Variants in CRIM1 observed in about 807,000 individuals in gnomAD.
CRIM1 encodes the protein cysteine-rich motor neuron 1 protein.
In CRIM1, 32 loss-of-function variants were observed where a neutral mutation model predicts 116.4. The observed-to-expected ratio is 0.27, with a 90% CI of 0.21 to 0.37. CRIM1 has a LOEUF of 0.37. Ranked by LOEUF, CRIM1 falls within the 10% of genes least tolerant of loss-of-function variation. CRIM1 has a pLI of 1.00. For missense variants in CRIM1, 1,331 were observed against 1,354.8 expected, an observed-to-expected ratio of 0.98 and a Z score of 0.28; for synonymous variants, 590 against 509.2, an observed-to-expected ratio of 1.16 and a Z score of -2.13.
At chr2:36,411,832 T>TTCCAGATACATTCCAGATACA (rs1673232930) in intron 2 of CRIM1, among the ~76,000 whole-genome samples, 2 of 152,186 alleles carry the variant, frequency 1.3e-5, no homozygotes, top group Non-Finnish European at 2.9e-5. Context: ...AGTGGTTCGT[T>TTCCAGATACATTCCAGATACA]TCTAAGAATC....
chr2:36,484,395 G>T (rs1263846931), intron 7 of CRIM1, among the ~76,000 whole-genome samples: 1 of 152,108 alleles, frequency 6.6e-6, no homozygotes, highest in Non-Finnish European at 1.5e-5. Flanking sequence ...ATGTCAGAGG[G>T]ATCCTGAGGA....
intron 7 of CRIM1, among the ~76,000 whole-genome samples, chr2:36,491,841 T>C (rs1199438672): frequency 2.0e-5 from 3 of 152,164 alleles, no homozygotes; most frequent in South Asian, 2.1e-4. Context: ...TAACACATTA[T>C]TTCCACTTAA....
intron 2 of CRIM1, among the ~76,000 whole-genome samples, chr2:36,405,809 T>G (rs1252438220): frequency 6.6e-6 from 1 of 152,238 alleles, no homozygotes; most frequent in Non-Finnish European, 1.5e-5. Flanking sequence ...GGTAATGATT[T>G]CATTATGCAA....
chr2:36,474,328 C>T (rs1387966310), intron 5 of CRIM1, among the ~76,000 whole-genome samples: 1 of 151,938 alleles, frequency 6.6e-6, no homozygotes, highest in South Asian at 2.1e-4. Context: ...TTGATGAAGT[C>T]CAGTTTATCT....
intron 4 of CRIM1, among the ~76,000 whole-genome samples, chr2:36,458,983 A>G (rs1036859267): frequency 1.3e-5 from 2 of 152,192 alleles, no homozygotes; most frequent in African/African-American, 4.8e-5. Flanking sequence ...ACTTTTAAGC[A>G]ATGGTATTCA....
chr2:36,479,722 C>G (rs1379848851), intron 7 of CRIM1, 28 bp downstream of exon 7: 1 of 1,598,148 alleles, frequency 6.3e-7, no homozygotes, highest in Non-Finnish European at 8.6e-7. Flanking sequence ...TAATGAGTCC[C>G]TGGTGAATGT....
At chr2:36,483,135 C>A (rs779994925) in intron 7 of CRIM1, among the ~76,000 whole-genome samples, 1 of 152,158 alleles carries the variant, frequency 6.6e-6, no homozygotes, top group Non-Finnish European at 1.5e-5. Flanking sequence ...TATATTCTCA[C>A]ATTTTGCTTT....
At chr2:36,452,591 A>G (rs921191233) in intron 4 of CRIM1, among the ~76,000 whole-genome samples, 10 of 152,302 alleles carry the variant, frequency 6.6e-5, no homozygotes, top group African/African-American at 2.4e-4. Context: ...GCCATTGCCC[A>G]TTGGAAATGA....
intron 1 of CRIM1, among the ~76,000 whole-genome samples, chr2:36,376,533 G>A (rs1372512756): frequency 2.6e-5 from 4 of 152,274 alleles, no homozygotes; most frequent in South Asian, 2.1e-4. Flanking sequence ...GTGGGGATAC[G>A]AGAATGTGGG....
chr2:36,475,587 T>C (rs1292982018), intron 5 of CRIM1, among the ~76,000 whole-genome samples: 1 of 152,218 alleles, frequency 6.6e-6, no homozygotes, highest in African/African-American at 2.4e-5. Flanking sequence ...TTTTTCCTAA[T>C]TGCTCTGGCT....
intron 9 of CRIM1, among the ~76,000 whole-genome samples, chr2:36,510,753 C>T (rs972170166): frequency 6.6e-6 from 1 of 151,986 alleles, no homozygotes; most frequent in African/African-American, 2.4e-5. Flanking sequence ...GGGAAATAGA[C>T]ACTTCATATT....
intron 16 of CRIM1, among the ~76,000 whole-genome samples, chr2:36,548,212 A>C (rs1005794171): frequency 3.3e-5 from 5 of 151,168 alleles, no homozygotes; most frequent in African/African-American, 1.2e-4. Context: ...CTCATTCTTC[A>C]GCCCCCTTGA....
At chr2:36,483,971 A>C (rs1679620890) in intron 7 of CRIM1, among the ~76,000 whole-genome samples, 2 of 152,326 alleles carry the variant, frequency 1.3e-5, no homozygotes, top group Admixed American at 1.3e-4. Flanking sequence ...TAAGAGTGTT[A>C]TGGAAGTGTG....
At chr2:36,484,089 C>T (rs989737420) in intron 7 of CRIM1, among the ~76,000 whole-genome samples, 2 of 152,222 alleles carry the variant, frequency 1.3e-5, no homozygotes, top group African/African-American at 4.8e-5. Flanking sequence ...CCTGTGTCAG[C>T]CTCATGGGCC....
At chr2:36,411,472 GA>G (rs540293425) in intron 2 of CRIM1, among the ~76,000 whole-genome samples, 2 of 152,114 alleles carry the variant, frequency 1.3e-5, no homozygotes, top group East Asian at 3.9e-4. Context: ...TGCATTTTCT[GA>G]AAAAAATTAT....
chr2:36,391,185 A>C (rs1049534803), intron 1 of CRIM1, among the ~76,000 whole-genome samples: 4 of 123,622 alleles, frequency 3.2e-5, no homozygotes, highest in African/African-American at 1.3e-4. Flanking sequence ...GCTGGAGTGC[A>C]GTGACATGAT....
chr2:36,537,542 T>C lies in CRIM1; in HGVS notation c.2619T>C (p.Cys873=), dbSNP rs1196388072. The part of the protein sequence containing the change: ...INVEGSCCPM[C]PEMYVPEPTN... ...TGGAAGGAAGTTGCTGCCCAATGTG[T>C]CCAGGTATCTAAGCCACCATCCTTC... The change falls in exon 14 of 17, where the codon TGT becomes TGC. Residue 873 remains cysteine, a synonymous_variant. Transcript: ENST00000280527. 6.2e-7 allele frequency: 1 copy of C among 1,602,980 alleles called. No homozygotes were observed. Among genetic ancestry groups the C allele is most frequent in the Non-Finnish European group, 8.5e-7 (1 of 1,174,974 alleles).
In CRIM1 at chr2:36,464,669, C is replaced by T. The variant is rs998537127; in HGVS notation, c.991+14C>T. On this transcript the variant is annotated intron_variant, in intron 5 of 16. Coordinates refer to ENST00000280527, the MANE Select transcript of CRIM1 (RefSeq NM_016441.3). ...AATGTGTTAATGGTACGTGGGGTTT[C>T]TCTTGTTCTCAGAGAGTGTACATTT... 2.5e-6 allele frequency: 4 copies of T among 1,613,406 alleles called. No homozygotes were observed. The highest frequency in any genetic ancestry group is 2.2e-5 in the East Asian group (1 of 44,866).
intron 4 of CRIM1, among the ~76,000 whole-genome samples, chr2:36,460,216 C>CA (rs1677474910): frequency 1.3e-5 from 2 of 152,178 alleles, no homozygotes; most frequent in Admixed American, 1.3e-4. Flanking sequence ...CTAAGGATTA[C>CA]ATTAGAGGCT....
Sources: allele counts gnomAD v4.1 joint callset (sites outside exome capture counted in the v4.1 genomes callset), GRCh38; gene constraint gnomAD v4.1.1; transcripts MANE v1.5; gene names NCBI Gene and HGNC (gene_info 2026-07-23, HGNC 2026-07-21).